The following CDCA2 variants were observed in gnomAD, a reference collection of about 807,000 sequenced individuals.
CDCA2 encodes cell division cycle-associated protein 2.
In CDCA2, 44 loss-of-function variants were observed where a neutral mutation model predicts 67.0. That is an observed-to-expected ratio of 0.66 (90% CI 0.52 to 0.84). CDCA2 has a LOEUF of 0.84. Among genes scored for constraint, CDCA2 ranks in the 40% least tolerant of loss-of-function variants. The pLI, the probability that CDCA2 is intolerant of heterozygous loss-of-function variation, is 0.00. For synonymous variants in CDCA2, 447 were observed against 418.7 expected, an observed-to-expected ratio of 1.07 and a Z score of -0.82; for missense variants, 1,253 against 1,203.2, an observed-to-expected ratio of 1.04 and a Z score of -0.61.
intron 13 of CDCA2, among the ~76,000 whole-genome samples, chr8:25,500,758 G>C (rs1364363323): frequency 6.6e-6 from 1 of 152,164 alleles, no homozygotes; most frequent in Non-Finnish European, 1.5e-5. Flanking sequence ...CTTTTACCAT[G>C]GGTCAGGCCC....
At chr8:25,487,365 GT>G (rs1458951323) in intron 12 of CDCA2, 31 bp downstream of exon 12, 11 of 1,415,980 alleles carry the variant, frequency 7.8e-6, no homozygotes, top group East Asian at 2.3e-5. Context: ...CAACGTATTT[GT>G]TTTTAAATCG....
At chr8:25,476,658 T>C (rs868845733) in intron 7 of CDCA2, among the ~76,000 whole-genome samples, 13 of 152,000 alleles carry the variant, frequency 8.6e-5, no homozygotes, top group Non-Finnish European at 1.6e-4. Flanking sequence ...GTTCAGGTGA[T>C]TCTCCTAACC....
chr8:25,471,727 G>A (rs1803162258), intron 7 of CDCA2, among the ~76,000 whole-genome samples: 1 of 152,176 alleles, frequency 6.6e-6, no homozygotes, highest in Non-Finnish European at 1.5e-5. Context: ...CTCTGTGACA[G>A]TGATTATAGA....
Position 25,498,453 on chromosome 8 carries a change from A to ACCCCCCCCCCCCCCCCCCCCCCCCCCC in CDCA2, c.1672-4910_1672-4909insCCCCCCCCCCCCCCCCCCCCCCCCCCC, listed in dbSNP as rs60633246. Among the ~76,000 whole-genome samples, 21 of 76,652 alleles carry ACCCCCCCCCCCCCCCCCCCCCCCCCCC rather than the reference A, an allele frequency of 2.7e-4. 1 individual carries two copies. Among genetic ancestry groups the ACCCCCCCCCCCCCCCCCCCCCCCCCCC allele is most frequent in the Admixed American group, 7.2e-4 (4 of 5,584 alleles). The allele number at this position is 76,652 out of a possible 152,430, so 50.3% of individuals were successfully genotyped here. A position where few individuals can be genotyped will look rare whatever the true frequency, so the allele number is the denominator to read the frequency against. On this transcript the variant is annotated intron_variant, in intron 13 of 14. Transcript: ENST00000330560. ...AAACCCCTGTCCTCAGGTAATCTGC[A>ACCCCCCCCCCCCCCCCCCCCCCCCCCC]CCCCCCCCCCGCCCCCCAGGCCTCC...
intron 7 of CDCA2, among the ~76,000 whole-genome samples, chr8:25,475,258 C>T (rs867068495): frequency 3.9e-5 from 6 of 152,136 alleles, no homozygotes; most frequent in East Asian, 1.9e-4. Flanking sequence ...TAGTGGCTCA[C>T]GCCTGTAATC....
At chr8:25,490,634 A>T (rs1337789528) in intron 13 of CDCA2, among the ~76,000 whole-genome samples, 1 of 152,016 alleles carries the variant, frequency 6.6e-6, no homozygotes, top group African/African-American at 2.4e-5. Flanking sequence ...CAGAGAAATG[A>T]ATTGAAGTCC....
intron 7 of CDCA2, among the ~76,000 whole-genome samples, chr8:25,473,081 T>C (rs1363938802): frequency 2.0e-5 from 3 of 152,230 alleles, no homozygotes; most frequent in Non-Finnish European, 4.4e-5. Flanking sequence ...CTTTGTTAGA[T>C]TCCTCATGTA....
chr8:25,485,493 T>G (rs1410423875), intron 10 of CDCA2, among the ~76,000 whole-genome samples: 1 of 152,188 alleles, frequency 6.6e-6, no homozygotes, highest in Non-Finnish European at 1.5e-5. Flanking sequence ...GATCATTATG[T>G]GTACTTTCGC....
chr8:25,495,609 A>T (rs1804190429), intron 13 of CDCA2, among the ~76,000 whole-genome samples: 2 of 152,004 alleles, frequency 1.3e-5, no homozygotes, highest in Admixed American at 1.3e-4. Flanking sequence ...TTTAGTAGAG[A>T]CTGGGTTTCA....
At chr8:25,489,464 T>G (rs1404699079) in intron 13 of CDCA2, among the ~76,000 whole-genome samples, 5 of 152,196 alleles carry the variant, frequency 3.3e-5, no homozygotes, top group Non-Finnish European at 5.9e-5. Flanking sequence ...TTCCGGATCC[T>G]TTTCCTTCCA....
intron 7 of CDCA2, among the ~76,000 whole-genome samples, chr8:25,470,334 C>T (rs1269332333): frequency 1.3e-5 from 2 of 152,152 alleles, no homozygotes; most frequent in East Asian, 3.8e-4. Context: ...TATTCTTTCT[C>T]AAAATCAGTA....
At chr8:25,477,631 T>A (rs1208316772) in intron 7 of CDCA2, among the ~76,000 whole-genome samples, 4 of 152,218 alleles carry the variant, frequency 2.6e-5, no homozygotes, top group Admixed American at 2.6e-4. Context: ...GGATACCCAA[T>A]GTGAACTCTT....
In CDCA2 at chr8:25,480,157, G is replaced by C. The variant is rs780054259; in HGVS notation, c.1032+33G>C. Reference sequence around the variant, plus strand: ...GAGAGTTAAATTTCCTAAAGCAAATGAATAAAAATGCATTTTGCTTCAAAG... The same window carrying C: ...GAGAGTTAAATTTCCTAAAGCAAATCAATAAAAATGCATTTTGCTTCAAAG... On this transcript the variant is annotated intron_variant, in intron 8 of 14. Transcript: ENST00000330560. 4 of 1,541,112 alleles carry C rather than the reference G, an allele frequency of 2.6e-6. No homozygotes were observed. The African/African-American group carries it at 4.1e-5, about 16-fold the overall frequency.
At chr8:25,468,728 G>A (rs906510510) in intron 6 of CDCA2, among the ~76,000 whole-genome samples, 7 of 152,198 alleles carry the variant, frequency 4.6e-5, no homozygotes, top group African/African-American at 1.4e-4. Flanking sequence ...TCCAAGAAGG[G>A]AGGAAGTTAC....
intron 4 of CDCA2, among the ~76,000 whole-genome samples, chr8:25,462,973 C>A (rs568981283): frequency 6.6e-6 from 1 of 152,140 alleles, no homozygotes; most frequent in Non-Finnish European, 1.5e-5. Flanking sequence ...TCAACCCAAA[C>A]GAGGGTATTT....
Position 25,503,511 on chromosome 8 carries a change from C to A in CDCA2, c.1810C>A (p.Pro604Thr), listed in dbSNP as rs772770925. ...PELPEVPEMT[P>T]SIPSIRRLGS... ...GCTGCCTGAAGTCCCTGAGATGACA[C>A]CTTCCATTCCGAGCATCCGAAGACT... Residue 604 changes from proline to threonine, a missense_variant, in exon 14 of 15, where the codon CCT becomes ACT. Coordinates refer to ENST00000330560, the MANE Select transcript of CDCA2 (RefSeq NM_152562.4). 1 of 1,612,428 alleles carries A rather than the reference C, an allele frequency of 6.2e-7. No homozygotes were observed. The highest frequency in any genetic ancestry group is 1.1e-5 in the South Asian group (1 of 90,532).
chr8:25,461,268 CAAAAAAA>C (rs61333775), intron 3 of CDCA2, among the ~76,000 whole-genome samples: 4 of 95,942 alleles, frequency 4.2e-5, no homozygotes, highest in Non-Finnish European at 6.1e-5. Flanking sequence ...ACTCTGTCTC[CAAAAAAA>C]AAAAAAAAAA....
intron 13 of CDCA2, among the ~76,000 whole-genome samples, chr8:25,492,966 C>G (rs555938832): frequency 6.6e-6 from 1 of 152,202 alleles, no homozygotes; most frequent in South Asian, 2.1e-4. Flanking sequence ...GGGTAAAATT[C>G]TGGACTCTGT....
At chr8:25,486,919 A>G (rs74820028) in intron 11 of CDCA2, among the ~76,000 whole-genome samples, 4,283 of 152,328 alleles carry the variant, frequency 0.028, 223 homozygotes, top group African/African-American at 0.097. Context: ...TTGCGATTTC[A>G]TTATACAAAA....
Sources: allele counts gnomAD v4.1 joint callset (sites outside exome capture counted in the v4.1 genomes callset), GRCh38; gene constraint gnomAD v4.1.1; transcripts MANE v1.5; gene names NCBI Gene and HGNC (gene_info 2026-07-23, HGNC 2026-07-21).